MYO1D: variants seen among roughly 807,000 people sequenced by gnomAD.
The protein encoded by MYO1D is unconventional myosin-Id.
In MYO1D, 83 loss-of-function variants were observed where a neutral mutation model predicts 122.0. The ratio of observed to expected loss-of-function variants is 0.68; its 90% CI spans 0.57 to 0.82. The LOEUF is 0.82. Ranked by LOEUF, MYO1D falls within the 40% of genes least tolerant of loss-of-function variation. The pLI, the probability that MYO1D is intolerant of heterozygous loss-of-function variation, is 0.00. For missense variants in MYO1D, 1,157 were observed against 1,269.5 expected (o/e 0.91, Z 1.35); for synonymous variants, 464 against 446.9 (o/e 1.04, Z -0.48).
intron 6 of MYO1D, 59 bp downstream of exon 6, chr17:32,771,066 T>C (rs2090107852): frequency 3.9e-6 from 5 of 1,285,782 alleles, no homozygotes; most frequent in Non-Finnish European, 5.6e-6. Flanking sequence ...TTATTGAATG[T>C]CTCTTCTAAT....
At chr17:32,765,433 T>C (rs1422772106) in intron 7 of MYO1D, among the ~76,000 whole-genome samples, 3 of 152,094 alleles carry the variant, frequency 2.0e-5, no homozygotes, top group Admixed American at 6.6e-5. Flanking sequence ...TTTATAGTTT[T>C]TGTTTTCCTT....
At chr17:32,843,109 C>G (rs552337141) in intron 1 of MYO1D, among the ~76,000 whole-genome samples, 1 of 151,964 alleles carries the variant, frequency 6.6e-6, no homozygotes, top group African/African-American at 2.4e-5. Flanking sequence ...AGGCTGGTCT[C>G]GAACTCCTGA....
chr17:32,829,788 G>A (rs561794199), intron 1 of MYO1D, among the ~76,000 whole-genome samples: 1 of 152,190 alleles, frequency 6.6e-6, no homozygotes, highest in African/African-American at 2.4e-5. Flanking sequence ...GGAAATGAGA[G>A]AGATACAGAA....
At chr17:32,584,811 A>C (rs918316451) in intron 21 of MYO1D, among the ~76,000 whole-genome samples, 7 of 152,220 alleles carry the variant, frequency 4.6e-5, no homozygotes, top group Non-Finnish European at 8.8e-5. Flanking sequence ...TGCAAAAAGA[A>C]ATACATATTT....
chr17:32,660,223 A>G (rs1567935208), intron 16 of MYO1D, among the ~76,000 whole-genome samples: 1 of 152,192 alleles, frequency 6.6e-6, no homozygotes, highest in Non-Finnish European at 1.5e-5. Flanking sequence ...AACTCCTTGT[A>G]CACATCGCCA....
chr17:32,568,495 C>A (rs2087194374), intron 21 of MYO1D, among the ~76,000 whole-genome samples: 1 of 152,176 alleles, frequency 6.6e-6, no homozygotes, highest in African/African-American at 2.4e-5. Context: ...CTGATTCATT[C>A]ATTTGCTTTA....
At chr17:32,546,642 A>T (rs1232617475) in intron 21 of MYO1D, among the ~76,000 whole-genome samples, 2 of 152,260 alleles carry the variant, frequency 1.3e-5, no homozygotes, top group Non-Finnish European at 2.9e-5. Flanking sequence ...ATTCATTTAA[A>T]AAGAACCTAC....
chr17:32,734,031 G>A (rs1303822035), intron 14 of MYO1D, among the ~76,000 whole-genome samples: 1 of 152,128 alleles, frequency 6.6e-6, no homozygotes, highest in Non-Finnish European at 1.5e-5. Flanking sequence ...GAGTTGAGTA[G>A]TTGCCTCTCT....
rs574730466 is a variant in MYO1D at position 32,658,943 on chromosome 17, G to A, written c.2345+172C>T. The A allele has an allele frequency of 6.6e-4, 430 of 648,442 alleles. 1 individual carries two copies. Among genetic ancestry groups the A allele is most frequent in the Middle Eastern group, 2.5e-3 (6 of 2,362 alleles). 40.2% of individuals were successfully genotyped at this position (648,442 alleles called of 1,614,324 possible). A position where few individuals can be genotyped will look rare whatever the true frequency, so the allele number is the denominator to read the frequency against. On this transcript the variant is annotated intron_variant, in intron 17 of 21. Coordinates refer to ENST00000318217, the MANE Select transcript of MYO1D (RefSeq NM_015194.3). ...AAATTGGCAGTTCCTTTATTTTGAG[G>A]GGTAAGCAGATGCTCTTTGAAAGCC...
chr17:32,668,858 C>G (rs918782883), intron 16 of MYO1D, among the ~76,000 whole-genome samples: 1 of 152,000 alleles, frequency 6.6e-6, no homozygotes, highest in Non-Finnish European at 1.5e-5. Flanking sequence ...CCCGCCACCA[C>G]GCCTGGCTAA....
chr17:32,874,943 C>CA (rs1191147262), intron 1 of MYO1D, among the ~76,000 whole-genome samples: 1 of 151,942 alleles, frequency 6.6e-6, no homozygotes, highest in African/African-American at 2.4e-5. Context: ...TTAAAAACCA[C>CA]AAGAGTTTTA....
At chr17:32,804,358 A>G (rs373572396) in intron 1 of MYO1D, among the ~76,000 whole-genome samples, 42 of 152,354 alleles carry the variant, frequency 2.8e-4, no homozygotes, top group Middle Eastern at 3.4e-3. Context: ...CTCTAATAGT[A>G]TGACTAACAC....
intron 21 of MYO1D, among the ~76,000 whole-genome samples, chr17:32,572,164 C>G (rs1408201583): frequency 6.6e-6 from 1 of 152,034 alleles, no homozygotes; most frequent in East Asian, 1.9e-4. Context: ...AAGAAACTCT[C>G]TCTGTATTTC....
intron 16 of MYO1D, among the ~76,000 whole-genome samples, chr17:32,672,605 C>T (rs1052263527): frequency 2.0e-5 from 3 of 152,118 alleles, no homozygotes; most frequent in Non-Finnish European, 4.4e-5. Flanking sequence ...CCTGCCTCAG[C>T]CTCTTGAGTA....
chr17:32,570,371 A>AT (rs1252074648), intron 21 of MYO1D, among the ~76,000 whole-genome samples: 2 of 150,902 alleles, frequency 1.3e-5, no homozygotes, highest in East Asian at 1.9e-4. Context: ...ATTAAAAAAA[A>AT]TTTTTTTTTT....
intron 20 of MYO1D, among the ~76,000 whole-genome samples, chr17:32,627,421 G>A (rs1368822297): frequency 1.3e-5 from 2 of 152,010 alleles, no homozygotes; most frequent in East Asian, 1.9e-4. Flanking sequence ...ACCGGCGGGC[G>A]GATGGATTTC....
intron 1 of MYO1D, among the ~76,000 whole-genome samples, chr17:32,811,455 T>A (rs1190964634): frequency 6.6e-6 from 1 of 152,140 alleles, no homozygotes; most frequent in East Asian, 1.9e-4. Context: ...TTGGTCTGAG[T>A]TGATTTTCTA....
At chr17:32,668,303 C>G (rs1019405629) in intron 16 of MYO1D, among the ~76,000 whole-genome samples, 15 of 152,188 alleles carry the variant, frequency 9.9e-5, no homozygotes, top group Non-Finnish European at 1.6e-4. Context: ...CTACCATCTC[C>G]AAGTCTACCT....
At chr17:32,816,379 G>A (rs938959163) in intron 1 of MYO1D, among the ~76,000 whole-genome samples, 24 of 152,158 alleles carry the variant, frequency 1.6e-4, no homozygotes, top group African/African-American at 5.6e-4. Flanking sequence ...ATAAGGGTTA[G>A]GCAGCTAAAG....
Sources: allele counts gnomAD v4.1 joint callset (sites outside exome capture counted in the v4.1 genomes callset), GRCh38; gene constraint gnomAD v4.1.1; transcripts MANE v1.5; gene names NCBI Gene and HGNC (gene_info 2026-07-23, HGNC 2026-07-21).